Variants in RSRC1 observed in about 807,000 individuals in gnomAD.
The protein encoded by RSRC1 is arginine and serine rich coiled-coil 1.
A neutral mutation model predicts 49.1 loss-of-function variants in RSRC1; 39 were observed. The observed-to-expected ratio is 0.79, with a 90% CI of 0.61 to 1.04. The LOEUF (loss-of-function observed/expected upper bound fraction) is 1.04, where lower values mean the gene tolerates loss of function less well. Ranked by LOEUF, RSRC1 falls within the 50% of genes least tolerant of loss-of-function variation. The probability of loss-of-function intolerance (pLI) is 0.00; values close to 1 mark genes in which losing one functional copy is unlikely to be tolerated. For synonymous variants in RSRC1, 143 were observed against 130.8 expected (o/e 1.09, Z -0.63); for missense variants, 388 against 402.4 (o/e 0.96, Z 0.31).
intron 7 of RSRC1, among the ~76,000 whole-genome samples, chr3:158,533,009 A>C (rs1308468296): frequency 6.6e-6 from 1 of 151,776 alleles, no homozygotes; most frequent in Non-Finnish European, 1.5e-5. Flanking sequence ...TGAAAAACTT[A>C]AGAAACTGAA....
intron 4 of RSRC1, among the ~76,000 whole-genome samples, chr3:158,281,760 T>C (rs1726184984): frequency 6.6e-6 from 1 of 152,192 alleles, no homozygotes; most frequent in Admixed American, 6.5e-5. Context: ...ACTTTGGATT[T>C]GGTAACATGG....
At chr3:158,371,160 T>A (rs1240729252) in intron 6 of RSRC1, among the ~76,000 whole-genome samples, 1 of 151,944 alleles carries the variant, frequency 6.6e-6, no homozygotes, top group East Asian at 1.9e-4. Flanking sequence ...ATTTATATAT[T>A]CTAAATACAA....
At chr3:158,358,409 T>C (rs1443373469) in intron 6 of RSRC1, among the ~76,000 whole-genome samples, 1 of 152,176 alleles carries the variant, frequency 6.6e-6, no homozygotes, top group Non-Finnish European at 1.5e-5. Context: ...TTCCATTACC[T>C]CCTAATTGGC....
intron 5 of RSRC1, among the ~76,000 whole-genome samples, chr3:158,328,566 T>C (rs1729330118): frequency 6.6e-6 from 1 of 152,326 alleles, no homozygotes; most frequent in Non-Finnish European, 1.5e-5. Context: ...TGGCCCCCAC[T>C]CTCTTCTGGC....
intron 6 of RSRC1, among the ~76,000 whole-genome samples, chr3:158,383,676 G>A (rs370299944): frequency 4.6e-5 from 7 of 152,200 alleles, no homozygotes; most frequent in African/African-American, 1.7e-4. Context: ...TAGTGGTGGT[G>A]TGTCTTTATT....
At chr3:158,169,785 TC>T (rs1442709688) in intron 3 of RSRC1, among the ~76,000 whole-genome samples, 5 of 152,110 alleles carry the variant, frequency 3.3e-5, no homozygotes, top group Admixed American at 3.3e-4. Context: ...CTTCTAACCC[TC>T]TCTGGGTTGA....
intron 3 of RSRC1, among the ~76,000 whole-genome samples, chr3:158,144,879 T>C (rs1578130955): frequency 6.6e-6 from 1 of 152,234 alleles, no homozygotes; most frequent in Non-Finnish European, 1.5e-5. Flanking sequence ...CTTTCTCTGA[T>C]GGCCAGTGAT....
chr3:158,347,633 A>T (rs1578369707), intron 5 of RSRC1, among the ~76,000 whole-genome samples: 1 of 152,002 alleles, frequency 6.6e-6, no homozygotes, highest in South Asian at 2.1e-4. Flanking sequence ...GCAACCTCAA[A>T]CTCCTGGGCT....
intron 7 of RSRC1, among the ~76,000 whole-genome samples, chr3:158,530,690 T>C (rs1277456316): frequency 6.6e-6 from 1 of 151,570 alleles, no homozygotes; most frequent in Non-Finnish European, 1.5e-5. Flanking sequence ...ATGCCATAGA[T>C]GAGAAAATGG....
intron 7 of RSRC1, among the ~76,000 whole-genome samples, chr3:158,497,561 C>T (rs747947008): frequency 2.6e-5 from 4 of 151,902 alleles, no homozygotes; most frequent in Non-Finnish European, 4.4e-5. Flanking sequence ...CTCAGCCTCC[C>T]GAGTAGCTGG....
chr3:158,205,750 C>T (rs747657059), intron 4 of RSRC1, among the ~76,000 whole-genome samples: 8 of 152,192 alleles, frequency 5.3e-5, no homozygotes, highest in African/African-American at 1.9e-4. Flanking sequence ...CTTCTGGCTT[C>T]CCTGGGCCAC....
intron 3 of RSRC1, among the ~76,000 whole-genome samples, chr3:158,129,185 G>A (rs1269472716): frequency 1.3e-5 from 2 of 151,566 alleles, no homozygotes; most frequent in Non-Finnish European, 2.9e-5. Flanking sequence ...AGTTACTTTG[G>A]GGTTTGCCTG....
chr3:158,238,564 A>G (rs934108006), intron 4 of RSRC1, among the ~76,000 whole-genome samples: 1 of 152,208 alleles, frequency 6.6e-6, no homozygotes, highest in African/African-American at 2.4e-5. Flanking sequence ...ATAACACCAC[A>G]TATTTACAAC....
At chr3:158,314,156 T>A (rs1352392485) in intron 5 of RSRC1, among the ~76,000 whole-genome samples, 1 of 152,178 alleles carries the variant, frequency 6.6e-6, no homozygotes, top group African/African-American at 2.4e-5. Flanking sequence ...AGTGGCACGA[T>A]CTCAGCTCAC....
At chr3:158,360,173 C>T (rs535152272) in intron 6 of RSRC1, among the ~76,000 whole-genome samples, 47 of 152,100 alleles carry the variant, frequency 3.1e-4, no homozygotes, top group South Asian at 8.3e-4. Flanking sequence ...GTTGGTGGCT[C>T]CTCTCTGTAG....
chr3:158,117,115 T>C (rs1334598452), intron 1 of RSRC1, among the ~76,000 whole-genome samples: 1 of 152,216 alleles, frequency 6.6e-6, no homozygotes, highest in Admixed American at 6.5e-5. Flanking sequence ...TTTTAAAGGC[T>C]AGTCTCCGTT....
chr3:158,149,821 C>G (rs1435029463), intron 3 of RSRC1, among the ~76,000 whole-genome samples: 1 of 152,158 alleles, frequency 6.6e-6, no homozygotes, highest in African/African-American at 2.4e-5. Flanking sequence ...TTTGAAAAAT[C>G]ATGTTCCTAT....
chr3:158,255,078 A>G (rs1490086052), intron 4 of RSRC1, among the ~76,000 whole-genome samples: 1 of 151,832 alleles, frequency 6.6e-6, no homozygotes, highest in African/African-American at 2.4e-5. Flanking sequence ...ATTAGATCTC[A>G]TTTGTCTATT....
At chr3:158,317,217 T>G (rs1728512954) in intron 5 of RSRC1, among the ~76,000 whole-genome samples, 1 of 152,102 alleles carries the variant, frequency 6.6e-6, no homozygotes, top group African/African-American at 2.4e-5. Context: ...TGTTAGTACT[T>G]AGGTATTTTG....
Sources: gnomAD v4.1 joint callset for allele counts (sites outside exome capture counted in the v4.1 genomes callset) on GRCh38, gnomAD v4.1.1 for gene constraint, MANE v1.5 for transcripts, NCBI Gene and HGNC (gene_info 2026-07-23, HGNC 2026-07-21) for gene names.